The following PTPN2 variants were observed in gnomAD, a reference collection of about 807,000 sequenced individuals.
PTPN2 encodes the protein protein tyrosine phosphatase non-receptor type 2.
Under a neutral mutation model 57.3 loss-of-function variants are expected in PTPN2, and 19 were observed. The observed-to-expected ratio is 0.33, with a 90% confidence interval of 0.23 to 0.49. The LOEUF (loss-of-function observed/expected upper bound fraction) is 0.49, where lower values mean the gene tolerates loss of function less well. PTPN2 is among the 20% of genes least tolerant of loss of function. The probability of loss-of-function intolerance (pLI) is 0.99; values close to 1 mark genes in which losing one functional copy is unlikely to be tolerated. For missense variants in PTPN2, 358 were observed against 501.1 expected, an observed-to-expected ratio of 0.71 and a Z score of 2.73; for synonymous variants, 153 against 164.9, an observed-to-expected ratio of 0.93 and a Z score of 0.55.
chr18:12,871,338 A>T (rs758867838), intron 1 of PTPN2, among the ~76,000 whole-genome samples: 15 of 152,188 alleles, frequency 9.9e-5, no homozygotes, highest in Non-Finnish European at 1.9e-4. Context: ...CTACACAATT[A>T]TATTAATGAA....
intron 2 of PTPN2, among the ~76,000 whole-genome samples, chr18:12,847,541 C>T (rs926480956): frequency 6.6e-6 from 1 of 152,092 alleles, no homozygotes; most frequent in African/African-American, 2.4e-5. Context: ...GGAACCACTC[C>T]AGTGCATCAA....
intron 1 of PTPN2, among the ~76,000 whole-genome samples, chr18:12,867,876 T>C (rs1474289484): frequency 1.3e-5 from 2 of 152,258 alleles, no homozygotes; most frequent in Non-Finnish European, 2.9e-5. Flanking sequence ...GCTCTTGTAT[T>C]TGGACACCTG....
intron 1 of PTPN2, among the ~76,000 whole-genome samples, chr18:12,861,347 T>C (rs1421869767): frequency 2.6e-5 from 4 of 152,210 alleles, no homozygotes; most frequent in Non-Finnish European, 5.9e-5. Flanking sequence ...TCTGCATTTA[T>C]CAGTAACACC....
At chr18:12,828,401 C>CA (rs1309621537) in intron 4 of PTPN2, among the ~76,000 whole-genome samples, 1 of 152,016 alleles carries the variant, frequency 6.6e-6, no homozygotes, top group Non-Finnish European at 1.5e-5. Flanking sequence ...AAGTACAACT[C>CA]AGAAACACCA....
chr18:12,851,784 T>C (rs1395424819), intron 2 of PTPN2, among the ~76,000 whole-genome samples: 1 of 152,208 alleles, frequency 6.6e-6, no homozygotes, highest in African/African-American at 2.4e-5. Flanking sequence ...TTAAAAAGTA[T>C]GTTTATTTGA....
At chr18:12,859,980 C>A (rs1261485117) in intron 1 of PTPN2, among the ~76,000 whole-genome samples, 1 of 151,794 alleles carries the variant, frequency 6.6e-6, no homozygotes, top group Non-Finnish European at 1.5e-5. Context: ...TTGTGAAAAC[C>A]CAGCTCTATT....
intron 1 of PTPN2, among the ~76,000 whole-genome samples, chr18:12,866,356 TG>T (rs2043992627): frequency 6.6e-6 from 1 of 151,790 alleles, no homozygotes; most frequent in Non-Finnish European, 1.5e-5. Context: ...GAGAATGGCG[TG>T]AACCCAGGAG....
intron 2 of PTPN2, among the ~76,000 whole-genome samples, chr18:12,852,478 T>C (rs2043433077): frequency 6.6e-6 from 1 of 152,194 alleles, no homozygotes; most frequent in Non-Finnish European, 1.5e-5. Flanking sequence ...AACTGAGGCA[T>C]CTCTAGGTTG....
At position 12,794,149 on chromosome 18, in the gene PTPN2, CTT is replaced by C. The variant is rs1437564778; in HGVS notation, c.*127_*128del. ...GTTGGGCTTGTGACTGTAAATATCA[CTT>C]ATCTGGTTGATGTCTATTCTACTGC... is the stretch of plus-strand genomic sequence containing the variant. On this transcript the variant is annotated 3_prime_UTR_variant, in exon 9 of 9. Transcript: ENST00000309660. The C allele has an allele frequency of 6.7e-7, 1 of 1,483,506 alleles. No homozygotes were observed. Among genetic ancestry groups the C allele is most frequent in the African/African-American group, 1.4e-5 (1 of 70,926 alleles). 91.9% of individuals were successfully genotyped at this position (1,483,506 alleles called of 1,614,324 possible).
At position 12,873,763 on chromosome 18, in the gene PTPN2, T is replaced by C. The variant is rs984843594; in HGVS notation, c.69+10310A>G. ...CCTGGCCACCCATCGTCTGGGATGTTAGGAGCCCCTCTGCCTGGCTGCCCA... is the reference window on the plus strand; with the variant it reads ...CCTGGCCACCCATCGTCTGGGATGTCAGGAGCCCCTCTGCCTGGCTGCCCA... On this transcript the variant is annotated intron_variant, in intron 1 of 8. Coordinates refer to ENST00000309660, the MANE Select transcript of PTPN2 (RefSeq NM_002828.4). 2.5e-4 allele frequency among the ~76,000 whole-genome samples: 37 copies of C among 150,536 alleles called. 2 individuals are homozygous for C. The highest frequency in any genetic ancestry group is 8.8e-4 in the African/African-American group (36 of 40,740).
chr18:12,855,497 C>T (rs1304894343), intron 2 of PTPN2, among the ~76,000 whole-genome samples: 1 of 151,996 alleles, frequency 6.6e-6, no homozygotes, highest in African/African-American at 2.4e-5. Flanking sequence ...AGGATAGGGG[C>T]AAAAGAAAGT....
intron 3 of PTPN2, among the ~76,000 whole-genome samples, chr18:12,835,965 T>C (rs2042849756): frequency 1.3e-5 from 2 of 152,226 alleles, no homozygotes; most frequent in Non-Finnish European, 2.9e-5. Context: ...TTTAGTTTCC[T>C]GTGAATTGAC....
intron 1 of PTPN2, among the ~76,000 whole-genome samples, chr18:12,860,290 A>C (rs2043753497): frequency 6.6e-6 from 1 of 150,622 alleles, no homozygotes; most frequent in African/African-American, 2.4e-5. Flanking sequence ...CTCTATAAAA[A>C]AAAACCCCAA....
In PTPN2 at chr18:12,853,122, A is replaced by G. The variant is rs563356285; in HGVS notation, c.160+6042T>C. Among the ~76,000 whole-genome samples, 11 of 152,364 alleles carry G rather than the reference A, an allele frequency of 7.2e-5. No individual in the cohort carries two copies. In the South Asian group the frequency reaches 2.3e-3, roughly 32 times the overall value. On this transcript the variant is annotated intron_variant, in intron 2 of 8. Coordinates refer to ENST00000309660, the MANE Select transcript of PTPN2 (RefSeq NM_002828.4). ...CAACAAATGTTTTCTGAACCAAATC[A>G]GCAACTGTCAAGTACTATGTATAGA...
chr18:12,798,563 C>T (rs2041279985), intron 8 of PTPN2, among the ~76,000 whole-genome samples: 1 of 152,156 alleles, frequency 6.6e-6, no homozygotes, highest in African/African-American at 2.4e-5. Context: ...CCAGCTCCAT[C>T]CAAGCCCCTA....
chr18:12,840,921 G>A, intron 2 of PTPN2: 6 of 1,526,428 alleles, frequency 3.9e-6, no homozygotes, highest in Non-Finnish European at 5.3e-6. Flanking sequence ...CGCTCTGATG[G>A]AATGCCTCCA....
chr18:12,847,431 G>A (rs1274066099), intron 2 of PTPN2, among the ~76,000 whole-genome samples: 1 of 152,086 alleles, frequency 6.6e-6, no homozygotes, highest in African/African-American at 2.4e-5. Context: ...TAAAAGTTCA[G>A]GTATCTAAAG....
chr18:12,813,589 T>C (rs976362078), intron 7 of PTPN2, among the ~76,000 whole-genome samples: 14 of 152,248 alleles, frequency 9.2e-5, no homozygotes, highest in Non-Finnish European at 1.8e-4. Context: ...GATCTTCTTA[T>C]ATTATGCATC....
At chr18:12,849,101 A>G (rs1286921424) in intron 2 of PTPN2, among the ~76,000 whole-genome samples, 1 of 152,212 alleles carries the variant, frequency 6.6e-6, no homozygotes, top group Non-Finnish European at 1.5e-5. Flanking sequence ...TGTCATCATT[A>G]TGAGTGATGT....
Sources: allele counts gnomAD v4.1 joint callset (sites outside exome capture counted in the v4.1 genomes callset), GRCh38; gene constraint gnomAD v4.1.1; transcripts MANE v1.5; gene names NCBI Gene and HGNC (gene_info 2026-07-23, HGNC 2026-07-21).